The following OVOL2 variants were observed in gnomAD, a reference collection of about 807,000 sequenced individuals.
OVOL2 encodes the protein transcription factor Ovo-like 2.
A neutral mutation model predicts 18.1 loss-of-function variants in OVOL2; 13 were observed. The ratio of observed to expected loss-of-function variants is 0.72; its 90% CI spans 0.47 to 1.14. The LOEUF (loss-of-function observed/expected upper bound fraction) is 1.14, where lower values mean the gene tolerates loss of function less well. OVOL2 is among the 50% of genes most tolerant of loss of function. OVOL2 has a pLI of 0.00. For missense variants in OVOL2, 335 were observed against 383.0 expected, an observed-to-expected ratio of 0.87 and a Z score of 1.05; for synonymous variants, 166 against 162.7, an observed-to-expected ratio of 1.02 and a Z score of -0.16.
intron 3 of OVOL2, among the ~76,000 whole-genome samples, chr20:18,036,700 G>A (rs1311354062): frequency 1.3e-5 from 2 of 152,066 alleles, no homozygotes; most frequent in Non-Finnish European, 1.5e-5. Flanking sequence ...TGTGGGCAGA[G>A]GACATCTTGG....
At chr20:18,040,590 CGGGAAA>C (rs2036659286) in intron 3 of OVOL2, among the ~76,000 whole-genome samples, 8 of 152,060 alleles carry the variant, frequency 5.3e-5, no homozygotes, top group Admixed American at 5.2e-4. Context: ...GGAGCTCAGG[CGGGAAA>C]GCATGGAGGC....
rs1219507389 is a variant in OVOL2, at chr20:18,057,448, G to C, written c.100+87C>G. 2.1e-6 allele frequency: 3 copies of C among 1,441,274 alleles called. No homozygotes were observed. The highest frequency in any genetic ancestry group is 2.9e-5 in the African/African-American group (2 of 69,524). 89.3% of individuals were successfully genotyped at this position (1,441,274 alleles called of 1,614,324 possible). A position where few individuals can be genotyped will look rare whatever the true frequency, so the allele number is the denominator to read the frequency against. ...AAGAGGGGGATGAGGTGGGGAGCCCGCCCCTGCCGATGAGCAGAGAAGACC... is the reference window on the plus strand; with the variant it reads ...AAGAGGGGGATGAGGTGGGGAGCCCCCCCCTGCCGATGAGCAGAGAAGACC... On this transcript the variant is annotated intron_variant, in intron 1 of 3. Coordinates refer to ENST00000278780, the MANE Select transcript of OVOL2 (RefSeq NM_021220.4). This position sits in a 1 kb window ranked among gnomAD's most constrained non-coding sequence, Gnocchi z 6.3.
intron 2 of OVOL2, among the ~76,000 whole-genome samples, chr20:18,043,719 C>G (rs2036698312): frequency 6.6e-6 from 1 of 152,192 alleles, no homozygotes; most frequent in African/African-American, 2.4e-5. Context: ...AGCAAAACCA[C>G]AACCAGACCT....
chr20:18,056,812 C>G lies in OVOL2; in HGVS notation c.166G>C (p.Gly56Arg), dbSNP rs929327245. Residue 56 changes from glycine to arginine, a missense_variant, in exon 2 of 4, where the codon GGC (glycine) becomes CGC (arginine). Gly to Arg is a moderately radical substitution (Grantham distance 125). Transcript: ENST00000278780. This position sits in a 1 kb window ranked among gnomAD's most constrained non-coding sequence, Gnocchi z 4.2. ...DCRSDGGSSS[G>R]SGSSSAGEPG... ...TCCCCCGCGCTGCTGCTGCCGCTGC[C>G]GCTGCTGCTGCCGCCGTCGCTGCGG... The G allele has an allele frequency of 2.7e-6, 4 of 1,491,548 alleles. No individual in the cohort carries two copies. The highest frequency in any genetic ancestry group is 3.5e-6 in the Non-Finnish European group (4 of 1,128,064). 92.4% of individuals were successfully genotyped at this position (1,491,548 alleles called of 1,614,324 possible). A position where few individuals can be genotyped will look rare whatever the true frequency, so the allele number is the denominator to read the frequency against.
In OVOL2 at chr20:18,057,811, G is replaced by A. The variant is rs968098953; in HGVS notation, c.-177C>T. ...CAGGCCTCTCCCCCGCACGCCTGGC[G>A]ACTCCCAGCCTCCCGGCTCGGCGAC... On this transcript the variant is annotated 5_prime_UTR_variant, in exon 1 of 4. Transcript: ENST00000278780. The surrounding 1 kb of genome is among the most constrained non-coding windows in gnomAD (Gnocchi z 6.3). 2.2e-6 allele frequency: 3 copies of A among 1,367,926 alleles called. No individual in the cohort carries two copies. Among genetic ancestry groups the A allele is most frequent in the Admixed American group, 3.7e-5 (1 of 26,844 alleles). 84.7% of individuals were successfully genotyped at this position (1,367,926 alleles called of 1,614,324 possible).
intron 3 of OVOL2, 26 bp from the exon 4 acceptor site, chr20:18,024,978 C>T (rs1349321846): frequency 6.3e-7 from 1 of 1,590,602 alleles, no homozygotes; most frequent in African/African-American, 1.3e-5. Flanking sequence ...ACAGACACAG[C>T]ATCGGTTGGT....
At chr20:18,029,172 G>A (rs1385797687) in intron 3 of OVOL2, among the ~76,000 whole-genome samples, 2 of 152,044 alleles carry the variant, frequency 1.3e-5, no homozygotes, top group Non-Finnish European at 2.9e-5. Context: ...GACCACAGGT[G>A]CCTGCTACAA....
At chr20:18,039,744 G>A (rs2036652559) in intron 3 of OVOL2, among the ~76,000 whole-genome samples, 1 of 152,046 alleles carries the variant, frequency 6.6e-6, no homozygotes, top group Non-Finnish European at 1.5e-5. Context: ...GGCAGCTCAC[G>A]GCCAGTCCTC....
intron 2 of OVOL2, among the ~76,000 whole-genome samples, chr20:18,051,451 T>C (rs1312000197): frequency 6.6e-6 from 1 of 152,090 alleles, no homozygotes; most frequent in Non-Finnish European, 1.5e-5. Context: ...ATTGCTGTTT[T>C]AGAACACCTA....
intron 2 of OVOL2, among the ~76,000 whole-genome samples, chr20:18,049,499 G>A (rs887944284): frequency 1.8e-4 from 27 of 152,100 alleles, no homozygotes; most frequent in Non-Finnish European, 1.5e-5. Context: ...TGCGATGCTT[G>A]AATGCTAAAA....
At chr20:18,037,838 C>T (rs1254572180) in intron 3 of OVOL2, among the ~76,000 whole-genome samples, 2 of 152,164 alleles carry the variant, frequency 1.3e-5, no homozygotes, top group Admixed American at 6.5e-5. Context: ...TGGCTGTCTT[C>T]CCTCCTGACC....
At chr20:18,049,809 G>C (rs1463319890) in intron 2 of OVOL2, among the ~76,000 whole-genome samples, 1 of 152,136 alleles carries the variant, frequency 6.6e-6, no homozygotes, top group Non-Finnish European at 1.5e-5. Flanking sequence ...CAGGTCTGTG[G>C]GGCAGGAGGA....
At chr20:18,035,592 A>G (rs6080945) in intron 3 of OVOL2, among the ~76,000 whole-genome samples, 24,519 of 152,242 alleles carry the variant, frequency 0.16, 3,252 homozygotes, top group African/African-American at 0.34. Context: ...TGCACTTTGT[A>G]CCAACTGTCT....
At position 18,024,860 on chromosome 20, in the gene OVOL2, G is replaced by T. The variant is rs2036497494; in HGVS notation, c.604C>A (p.Gln202Lys). Residue 202 changes from glutamine to lysine, a missense_variant, in exon 4 of 4, where the codon CAG becomes AAG. Coordinates refer to ENST00000278780, the MANE Select transcript of OVOL2 (RefSeq NM_021220.4). ...SHLKKIHGVQ[Q>K]QYAYKQRRDK... ...CGCCGCTGCTTATAGGCATACTGCTGCTGCACCCCATGGATTTTCTTCAGG... is the reference window on the plus strand; with the variant it reads ...CGCCGCTGCTTATAGGCATACTGCTTCTGCACCCCATGGATTTTCTTCAGG... 6.2e-7 allele frequency: 1 copy of T among 1,614,218 alleles called. No homozygotes were observed. Among genetic ancestry groups the T allele is most frequent in the African/African-American group, 1.3e-5 (1 of 75,052 alleles).
At position 18,041,718 on chromosome 20, in the gene OVOL2, G is replaced by A; in HGVS notation, c.327C>T (p.Thr109=). ...CCACCGAGTCGCTGCACGTGCCTGT[G>A]GTGAACTGGGGGCAGAGAGAGGCCA... The part of the protein sequence containing the change: ...RPVARSKIKF[T]TGTCSDSVVH... The change falls in exon 3 of 4, where the codon ACC becomes ACT. Residue 109 remains threonine (T), a synonymous_variant. Coordinates refer to ENST00000278780, the MANE Select transcript of OVOL2 (RefSeq NM_021220.4). 6.2e-7 allele frequency: 1 copy of A among 1,610,568 alleles called. No homozygotes were observed. The highest frequency in any genetic ancestry group is 8.5e-7 in the Non-Finnish European group (1 of 1,177,844).
intron 3 of OVOL2, among the ~76,000 whole-genome samples, chr20:18,027,665 G>A (rs1317408231): frequency 4.6e-5 from 7 of 151,772 alleles, no homozygotes; most frequent in Non-Finnish European, 1.0e-4. Context: ...GCACCATCTC[G>A]GCTCACTGCA....
rs200997838 is a variant in OVOL2, at chr20:18,039,618, AAAAAG to A, written c.511+1911_511+1915del. On this transcript the variant is annotated intron_variant, in intron 3 of 3. Coordinates refer to ENST00000278780, the MANE Select transcript of OVOL2 (RefSeq NM_021220.4). ...GCAAGACGCTGTCTCAAAAAAAAAA[AAAAAG>A]AAAGAAAGAAAGAAAGAAAAGAAAA... Among the ~76,000 whole-genome samples, 3,081 of 148,750 alleles carry A rather than the reference AAAAAG, an allele frequency of 0.021. 294 individuals are homozygous for A. In the East Asian group the frequency reaches 0.33, roughly 16 times the overall value.
intron 3 of OVOL2, among the ~76,000 whole-genome samples, chr20:18,029,583 C>T (rs1462531381): frequency 2.0e-5 from 3 of 152,124 alleles, no homozygotes; most frequent in African/African-American, 7.2e-5. Context: ...TGTACTACTT[C>T]CCATCTCCAA....
At chr20:18,025,397 G>A (rs907842647) in intron 3 of OVOL2, among the ~76,000 whole-genome samples, 1 of 152,030 alleles carries the variant, frequency 6.6e-6, no homozygotes, top group Non-Finnish European at 1.5e-5. Flanking sequence ...GTGAAACCCC[G>A]TCTCTACTGA....
Sources: allele counts gnomAD v4.1 joint callset (sites outside exome capture counted in the v4.1 genomes callset), GRCh38; gene constraint gnomAD v4.1.1; non-coding constraint Gnocchi (gnomAD v3.1); transcripts MANE v1.5; gene names NCBI Gene and HGNC (gene_info 2026-07-23, HGNC 2026-07-21).